The following NUBPL variants were observed in gnomAD, a reference collection of about 807,000 sequenced individuals.
The protein encoded by NUBPL is iron-sulfur cluster transfer protein NUBPL.
Under a neutral mutation model 45.7 loss-of-function variants are expected in NUBPL, and 31 were observed. The ratio of observed to expected loss-of-function variants is 0.68; its 90% CI spans 0.51 to 0.92. NUBPL has a LOEUF of 0.92. NUBPL is among the 40% of genes least tolerant of loss of function. NUBPL has a pLI of 0.00. For synonymous variants in NUBPL, 144 were observed against 140.9 expected (o/e 1.02, Z -0.15); for missense variants, 401 against 398.7 (o/e 1.01, Z -0.05).
At chr14:31,587,895 T>C (rs2034035390) in intron 3 of NUBPL, among the ~76,000 whole-genome samples, 1 of 152,216 alleles carries the variant, frequency 6.6e-6, no homozygotes, top group Non-Finnish European at 1.5e-5. Context: ...ATTTTATAGT[T>C]GCCTGGGTTA....
At chr14:31,637,081 T>C (rs2035526349) in intron 4 of NUBPL, among the ~76,000 whole-genome samples, 1 of 152,236 alleles carries the variant, frequency 6.6e-6, no homozygotes, top group Admixed American at 6.5e-5. Context: ...TTTGTGTCTC[T>C]ATTTCCTTCA....
chr14:31,607,171 AG>A (rs1290438786), intron 4 of NUBPL, among the ~76,000 whole-genome samples: 1 of 152,264 alleles, frequency 6.6e-6, no homozygotes, highest in Non-Finnish European at 1.5e-5. Context: ...GCCTGAGCTC[AG>A]GAGTTCAAGA....
At chr14:31,781,801 A>G (rs1333195972) in intron 6 of NUBPL, among the ~76,000 whole-genome samples, 1 of 152,160 alleles carries the variant, frequency 6.6e-6, no homozygotes, top group Non-Finnish European at 1.5e-5. Flanking sequence ...CAGACCATCT[A>G]TGACATGCTT....
At chr14:31,755,434 T>G (rs1428649129) in intron 6 of NUBPL, among the ~76,000 whole-genome samples, 2 of 152,266 alleles carry the variant, frequency 1.3e-5, no homozygotes, top group Non-Finnish European at 2.9e-5. Context: ...TGATTTGCAT[T>G]TCTCTGATGG....
At chr14:31,791,884 T>C (rs2039389532) in intron 7 of NUBPL, among the ~76,000 whole-genome samples, 1 of 152,248 alleles carries the variant, frequency 6.6e-6, no homozygotes, top group African/African-American at 2.4e-5. Context: ...GGACAGTAGA[T>C]TTCTGTATGA....
At chr14:31,686,586 G>C (rs1416294897) in intron 6 of NUBPL, 2 of 152,250 alleles carry the variant, frequency 1.3e-5, no homozygotes, top group Non-Finnish European at 2.9e-5. Flanking sequence ...GGGTTGCCAG[G>C]TAATATGTTG....
At chr14:31,815,407 G>A (rs2039895951) in intron 7 of NUBPL, among the ~76,000 whole-genome samples, 1 of 152,196 alleles carries the variant, frequency 6.6e-6, no homozygotes. Flanking sequence ...CTTTGCTGAA[G>A]TTGCTGATCA....
At chr14:31,745,462 T>C (rs1320944069) in intron 6 of NUBPL, among the ~76,000 whole-genome samples, 1 of 152,158 alleles carries the variant, frequency 6.6e-6, no homozygotes, top group Non-Finnish European at 1.5e-5. Flanking sequence ...TGTTGGACAT[T>C]TTTGTATTTT....
At chr14:31,681,049 A>C (rs1158715229) in intron 6 of NUBPL, among the ~76,000 whole-genome samples, 1 of 152,106 alleles carries the variant, frequency 6.6e-6, no homozygotes, top group African/African-American at 2.4e-5. Flanking sequence ...CAAGTGTTAT[A>C]TGAGAGTTAG....
intron 6 of NUBPL, among the ~76,000 whole-genome samples, chr14:31,711,769 C>A (rs148616428): frequency 6.6e-6 from 1 of 152,060 alleles, no homozygotes; most frequent in Admixed American, 6.5e-5. Context: ...AAAGGCAGTG[C>A]GTCTGGAGTT....
At chr14:31,604,052 G>C (rs1325199795) in intron 4 of NUBPL, among the ~76,000 whole-genome samples, 1 of 151,586 alleles carries the variant, frequency 6.6e-6, no homozygotes. Context: ...ATAAACACTC[G>C]AAGTGAACTT....
At chr14:31,820,954 C>T (rs934245956) in intron 7 of NUBPL, among the ~76,000 whole-genome samples, 5 of 151,768 alleles carry the variant, frequency 3.3e-5, no homozygotes, top group African/African-American at 1.2e-4. Flanking sequence ...AACCCCATCT[C>T]TACTAAATAA....
At chr14:31,579,710 C>A (rs2033813286) in intron 3 of NUBPL, among the ~76,000 whole-genome samples, 1 of 152,148 alleles carries the variant, frequency 6.6e-6, no homozygotes, top group Non-Finnish European at 1.5e-5. Context: ...AATCACCAGT[C>A]CGTAGCTAAA....
intron 6 of NUBPL, among the ~76,000 whole-genome samples, chr14:31,694,624 T>C (rs796351013): frequency 2.6e-5 from 4 of 152,312 alleles, no homozygotes; most frequent in African/African-American, 9.6e-5. Context: ...CAAGCGATTC[T>C]CCTGCCTCAA....
chr14:31,854,825 C>T (rs919146479), intron 10 of NUBPL, among the ~76,000 whole-genome samples: 1 of 152,208 alleles, frequency 6.6e-6, no homozygotes, highest in Non-Finnish European at 1.5e-5. Flanking sequence ...AACACAATGC[C>T]TTGCACGCAA....
At chr14:31,760,138 TGTGTGTGA>T (rs1344592492) in intron 6 of NUBPL, among the ~76,000 whole-genome samples, 9 of 32,632 alleles carry the variant, frequency 2.8e-4, no homozygotes, top group Admixed American at 2.5e-3. Context: ...TGTGTGTGTG[TGTGTGTGA>T]GAGAGAGAGA....
intron 6 of NUBPL, among the ~76,000 whole-genome samples, chr14:31,726,544 T>A (rs2037929763): frequency 6.6e-6 from 1 of 152,242 alleles, no homozygotes; most frequent in Non-Finnish European, 1.5e-5. Flanking sequence ...TTTGCAGATT[T>A]CTTCAACCTG....
chr14:31,599,006 A>G (rs376627273), intron 3 of NUBPL, among the ~76,000 whole-genome samples: 1 of 152,162 alleles, frequency 6.6e-6, no homozygotes. Flanking sequence ...TTGAGACTAT[A>G]TGAGAGACCT....
intron 3 of NUBPL, 60 bp from the exon 4 acceptor site, chr14:31,599,229 G>A (rs764120759): frequency 3.1e-6 from 4 of 1,277,544 alleles, no homozygotes; most frequent in South Asian, 2.4e-5. Context: ...AGAAGAGTGG[G>A]AACAATCTTA....
Sources: gnomAD v4.1 joint callset for allele counts (sites outside exome capture counted in the v4.1 genomes callset) on GRCh38, gnomAD v4.1.1 for gene constraint, MANE v1.5 for transcripts, NCBI Gene and HGNC (gene_info 2026-07-23, HGNC 2026-07-21) for gene names.